Variants in LRBA observed in about 807,000 individuals in gnomAD.
LRBA encodes lipopolysaccharide-responsive and beige-like anchor protein.
LRBA carries 176 observed loss-of-function variants against 330.0 expected under a neutral mutation model. The observed-to-expected ratio is 0.53, with a 90% CI of 0.47 to 0.60. The LOEUF (loss-of-function observed/expected upper bound fraction) is 0.60, where lower values mean the gene tolerates loss of function less well. LRBA is among the 20% of genes least tolerant of loss of function. The pLI is 0.00. For missense variants in LRBA, 3,259 were observed against 3,444.8 expected (o/e 0.95, Z 1.35); for synonymous variants, 1,230 against 1,193.0 (o/e 1.03, Z -0.64).
At chr4:150,265,849 T>C in intron 56 of LRBA, 37 bp from the exon 57 acceptor site, 1 of 1,307,194 alleles carries the variant, frequency 7.6e-7, no homozygotes, top group South Asian at 1.2e-5. Context: ...TTTACAAACC[T>C]GTGTGTCCTA....
intron 22 of LRBA, among the ~76,000 whole-genome samples, chr4:150,861,270 GGTGTGTGTGTGT>G (rs35115144): frequency 7.4e-4 from 102 of 137,884 alleles, no homozygotes; most frequent in African/African-American, 2.3e-3. Flanking sequence ...CCCAGCTAAT[GGTGTGTGTGTGT>G]GTGTGTGTGT....
At chr4:150,344,558 C>A (rs1272132391) in intron 48 of LRBA, among the ~76,000 whole-genome samples, 1 of 152,154 alleles carries the variant, frequency 6.6e-6, no homozygotes, top group Non-Finnish European at 1.5e-5. Context: ...CCTTATGATG[C>A]AGTTAAAAGT....
chr4:150,896,457 C>T lies in LRBA; in HGVS notation c.2005-1G>A. ...ATTCATCTTCCTTTACTCCAGAATC[C>T]TTCAAAAACATAATACAGGTATCTT... On this transcript the variant is annotated splice_acceptor_variant, in intron 15 of 56. Coordinates refer to ENST00000651943, the MANE Select transcript of LRBA (RefSeq NM_001364905.1). LOFTEE classifies it high-confidence loss of function. 6.6e-7 allele frequency: 1 copy of T among 1,510,724 alleles called. No individual in the cohort carries two copies. Among genetic ancestry groups the T allele is most frequent in the Non-Finnish European group, 9.1e-7 (1 of 1,100,644 alleles). The allele number at this position is 1,510,724 out of a possible 1,614,324, so 93.6% of individuals were successfully genotyped here.
rs1733825091 is a variant in LRBA, at chr4:150,925,838, C to T, written c.549+2678G>A. 2.0e-5 allele frequency among the ~76,000 whole-genome samples: 3 copies of T among 152,110 alleles called. No homozygotes were observed. The South Asian group carries it at 6.2e-4, about 32-fold the overall frequency. Reference sequence around the variant, plus strand: ...AAAACCAAAATCAAATATATACTTTCTCTTCTGGACACGACATATTAATAG... The same window carrying T: ...AAAACCAAAATCAAATATATACTTTTTCTTCTGGACACGACATATTAATAG... On this transcript the variant is annotated intron_variant, in intron 4 of 56. Coordinates refer to ENST00000651943, the MANE Select transcript of LRBA (RefSeq NM_001364905.1).
At chr4:150,318,358 A>G (rs1333476613) in intron 50 of LRBA, among the ~76,000 whole-genome samples, 1 of 152,208 alleles carries the variant, frequency 6.6e-6, no homozygotes, top group Non-Finnish European at 1.5e-5. Flanking sequence ...TCTAAATCAG[A>G]CACTACTCAA....
At chr4:150,529,755 T>C (rs2152196563) in intron 40 of LRBA, among the ~76,000 whole-genome samples, 1 of 151,524 alleles carries the variant, frequency 6.6e-6, no homozygotes, top group South Asian at 2.1e-4. Context: ...AATAACCAGC[T>C]TAAGACAAAG....
At chr4:150,687,065 T>C (rs1478445552) in intron 36 of LRBA, among the ~76,000 whole-genome samples, 1 of 152,078 alleles carries the variant, frequency 6.6e-6, no homozygotes, top group Non-Finnish European at 1.5e-5. Flanking sequence ...AATCTCTGTC[T>C]CTTTGTGGAA....
In LRBA at chr4:150,916,482, T is replaced by G; in HGVS notation, c.813A>C (p.Gly271=). The G allele has an allele frequency of 6.2e-7, 1 of 1,613,796 alleles. No homozygotes were observed. Among genetic ancestry groups the G allele is most frequent in the Non-Finnish European group, 8.5e-7 (1 of 1,179,840 alleles). Residue 271 remains glycine (G), a synonymous_variant, in exon 7 of 57, where the codon GGA becomes GGC. Coordinates refer to ENST00000651943, the MANE Select transcript of LRBA (RefSeq NM_001364905.1). ...KGLGYSAHFV[G]GCLIVTSIKS... ...TTATTGATGTTACAATCAAACAGCC[T>G]CCAACAAAATGAGCAGAATAGCCAA...
At chr4:150,308,769 A>C (rs988984861) in intron 52 of LRBA, among the ~76,000 whole-genome samples, 1 of 152,204 alleles carries the variant, frequency 6.6e-6, no homozygotes, top group Non-Finnish European at 1.5e-5. Flanking sequence ...AAACCTATAC[A>C]ATAAGGATAT....
chr4:150,755,649 T>A (rs1371193014), intron 35 of LRBA, among the ~76,000 whole-genome samples: 5 of 152,116 alleles, frequency 3.3e-5, no homozygotes, highest in African/African-American at 1.2e-4. Flanking sequence ...ATCAAACATT[T>A]AAAAAATTAG....
chr4:150,346,695 G>A (rs557860581), intron 48 of LRBA, among the ~76,000 whole-genome samples: 34 of 143,750 alleles, frequency 2.4e-4, no homozygotes, highest in Admixed American at 5.2e-4. Flanking sequence ...GGAGGCGGAG[G>A]TTGCAGTGAG....
Position 150,956,980 on chromosome 4 carries a change from T to A in LRBA, c.217-27915A>T, listed in dbSNP as rs1433968150. 2.7e-5 allele frequency among the ~76,000 whole-genome samples: 4 copies of A among 148,906 alleles called. 1 individual carries two copies. Among genetic ancestry groups the A allele is most frequent in the African/African-American group, 7.8e-5 (3 of 38,366 alleles). On this transcript the variant is annotated intron_variant, in intron 2 of 56. Transcript: ENST00000651943. ...ATACATATACACACACATATACACA[T>A]ACACACTCACACATAAATATGTAAT...
rs571429743 is a variant in LRBA at position 150,899,970 on chromosome 4, A to G, written c.1924+79T>C. 2.5e-4 allele frequency: 258 copies of G among 1,052,072 alleles called. No individual in the cohort carries two copies. The African/African-American group carries it at 2.9e-3, about 12-fold the overall frequency. 65.2% of individuals were successfully genotyped at this position (1,052,072 alleles called of 1,614,324 possible). On this transcript the variant is annotated intron_variant, in intron 14 of 56. Transcript: ENST00000651943. ...TAGAAAAACTGCCCAAATATATGAT[A>G]GTACTGGTTAAAACAAAAAGAAAAA...
chr4:150,296,342 C>A (rs559479215), intron 53 of LRBA, among the ~76,000 whole-genome samples: 2 of 152,142 alleles, frequency 1.3e-5, no homozygotes, highest in African/African-American at 4.8e-5. Flanking sequence ...AAAAGCTCAA[C>A]AGTCATGCAG....
At chr4:150,557,408 T>C (rs1161485536) in intron 40 of LRBA, among the ~76,000 whole-genome samples, 1 of 151,968 alleles carries the variant, frequency 6.6e-6, no homozygotes, top group East Asian at 1.9e-4. Context: ...TTTATAACCA[T>C]CATCACTGTA....
chr4:150,404,200 T>C (rs1260221599), intron 47 of LRBA, among the ~76,000 whole-genome samples: 1 of 152,138 alleles, frequency 6.6e-6, no homozygotes, highest in African/African-American at 2.4e-5. Context: ...GTTATGGACA[T>C]GACTGAATCT....
intron 37 of LRBA, among the ~76,000 whole-genome samples, chr4:150,630,082 T>A (rs1012776605): frequency 1.3e-5 from 2 of 152,196 alleles, no homozygotes; most frequent in Admixed American, 6.6e-5. Flanking sequence ...GCACAAAGCC[T>A]GTATATCATC....
At chr4:150,626,319 A>T (rs748139991) in intron 37 of LRBA, among the ~76,000 whole-genome samples, 14 of 152,194 alleles carry the variant, frequency 9.2e-5, no homozygotes, top group Non-Finnish European at 2.1e-4. Context: ...CTCATAACAT[A>T]TATACTAAAA....
intron 2 of LRBA, among the ~76,000 whole-genome samples, chr4:150,931,117 A>C (rs1018733444): frequency 2.0e-5 from 3 of 152,168 alleles, no homozygotes; most frequent in Non-Finnish European, 2.9e-5. Context: ...ATTTCCTAAT[A>C]TTGTCTGTAA....
Sources: gnomAD v4.1 joint callset for allele counts (sites outside exome capture counted in the v4.1 genomes callset) on GRCh38, gnomAD v4.1.1 for gene constraint, MANE v1.5 for transcripts, NCBI Gene and HGNC (gene_info 2026-07-23, HGNC 2026-07-21) for gene names.